Variants in BCL10 observed in about 807,000 individuals in gnomAD.
BCL10 encodes B-cell lymphoma/leukemia 10.
Under a neutral mutation model 19.2 loss-of-function variants are expected in BCL10, and 5 were observed. The ratio of observed to expected loss-of-function variants is 0.26; its 90% CI spans 0.14 to 0.55. BCL10 has a LOEUF of 0.55. Among genes scored for constraint, BCL10 ranks in the 20% least tolerant of loss-of-function variants. BCL10 has a pLI of 0.94. For synonymous variants in BCL10, 110 were observed against 98.8 expected (o/e 1.11, Z -0.67); for missense variants, 201 against 271.9 (o/e 0.74, Z 1.83).
intron 1 of BCL10, among the ~76,000 whole-genome samples, chr1:85,273,168 C>T (rs754391918): frequency 1.3e-5 from 2 of 152,182 alleles, no homozygotes; most frequent in Non-Finnish European, 2.9e-5. Flanking sequence ...TTTCTATACA[C>T]CAGGACTCCA....
Position 85,276,512 on chromosome 1 carries a change from G to A in BCL10, c.-160C>T, listed in dbSNP as rs1660538635. On this transcript the variant is annotated 5_prime_UTR_variant, in exon 1 of 3. Coordinates refer to ENST00000648566, the MANE Select transcript of BCL10 (RefSeq NM_003921.5). ...GCCCCTTCGGGAACAGAGGGACTCGGGGGTCAAACCGTAGCGCTTCCGGCC... is the reference window on the plus strand; with the variant it reads ...GCCCCTTCGGGAACAGAGGGACTCGAGGGTCAAACCGTAGCGCTTCCGGCC... 1.3e-6 allele frequency: 1 copy of A among 751,766 alleles called. No individual in the cohort carries two copies. Among genetic ancestry groups the A allele is most frequent in the South Asian group, 1.7e-5 (1 of 57,858 alleles). 46.6% of individuals were successfully genotyped at this position (751,766 alleles called of 1,614,324 possible). A position where few individuals can be genotyped will look rare whatever the true frequency, so the allele number is the denominator to read the frequency against.
At chr1:85,275,927 G>A (rs1043872041) in intron 1 of BCL10, among the ~76,000 whole-genome samples, 2 of 152,222 alleles carry the variant, frequency 1.3e-5, no homozygotes, top group Admixed American at 6.5e-5. Context: ...TAGGCTGAGT[G>A]AGCAGCCTAG....
intron 1 of BCL10, among the ~76,000 whole-genome samples, chr1:85,273,127 T>C (rs1660411662): frequency 6.6e-6 from 1 of 152,204 alleles, no homozygotes; most frequent in African/African-American, 2.4e-5. Context: ...CCGTCCTCTG[T>C]CCTTGTAGCA....
At chr1:85,273,812 C>A (rs1318684358) in intron 1 of BCL10, among the ~76,000 whole-genome samples, 1 of 152,188 alleles carries the variant, frequency 6.6e-6, no homozygotes, top group Non-Finnish European at 1.5e-5. Flanking sequence ...TATTCTTGTT[C>A]TCCTCAGTCC....
chr1:85,267,680 T>G lies in BCL10; in HGVS notation c.649A>C (p.Asn217His). ...AAGGGAAGAAACATCTCACTAGAGT[T>G]TGCACAAGTTCCTTCTTCTTCTAAC... ...LQLEEEGTCA[N>H]SSEMFLPLRS... is the part of the protein sequence containing the mutation. The change falls in exon 3 of 3, where the codon AAC becomes CAC. Residue 217 changes from asparagine to histidine, a missense_variant. Physicochemically the swap from Asn to His is moderately conservative, Grantham distance 68. Transcript: ENST00000648566. The G allele has an allele frequency of 6.2e-7, 1 of 1,614,022 alleles. No homozygotes were observed. Among genetic ancestry groups the G allele is most frequent in the Non-Finnish European group, 8.5e-7 (1 of 1,179,988 alleles).
At chr1:85,276,256 G>GGCCCCC in intron 1 of BCL10, 40 bp downstream of exon 1, 1 of 1,603,264 alleles carries the variant, frequency 6.2e-7, no homozygotes, top group Non-Finnish European at 8.5e-7. Flanking sequence ...CTGGGCTGCA[G>GGCCCCC]CCCGCCCCCG....
intron 1 of BCL10, among the ~76,000 whole-genome samples, chr1:85,275,572 C>G (rs557509597): frequency 6.6e-6 from 1 of 152,094 alleles, no homozygotes; most frequent in Non-Finnish European, 1.5e-5. Flanking sequence ...TTTAGTGATA[C>G]TCATATAGGT....
chr1:85,266,001 T>A lies in BCL10; in HGVS notation c.*1626A>T, dbSNP rs754120384. On this transcript the variant is annotated 3_prime_UTR_variant, in exon 3 of 3. Coordinates refer to ENST00000648566, the MANE Select transcript of BCL10 (RefSeq NM_003921.5). ...TTCTTTCTAACACCACTATTTTTGC[T>A]ATGCATTGGAGGTGAAACATTTCTC... Among the ~76,000 whole-genome samples the A allele has an allele frequency of 6.6e-6, 1 of 152,208 alleles. No homozygotes were observed. The highest frequency in any genetic ancestry group is 1.5e-5 in the Non-Finnish European group (1 of 68,030).
At chr1:85,269,705 C>G (rs1335585093) in intron 2 of BCL10, among the ~76,000 whole-genome samples, 1 of 152,162 alleles carries the variant, frequency 6.6e-6, no homozygotes, top group African/African-American at 2.4e-5. Flanking sequence ...TTTATGTGCT[C>G]TGGAGAGAGA....
intron 2 of BCL10, among the ~76,000 whole-genome samples, chr1:85,270,168 GAT>G (rs1233935670): frequency 6.6e-6 from 1 of 152,220 alleles, no homozygotes; most frequent in Non-Finnish European, 1.5e-5. Flanking sequence ...GATATTGAGA[GAT>G]ATTCCACTTT....
intron 1 of BCL10, among the ~76,000 whole-genome samples, chr1:85,274,358 C>G (rs2100752277): frequency 6.6e-6 from 1 of 152,256 alleles, no homozygotes; most frequent in Non-Finnish European, 1.5e-5. Flanking sequence ...CAATCCCCCT[C>G]AAGAAATTGA....
Position 85,266,253 on chromosome 1 carries a change from T to C in BCL10, c.*1374A>G. ...AACTCCAAAATAGCACTCACTACTT[T>C]AAAAAAATTTTATTGTTGATAGCAA... On this transcript the variant is annotated 3_prime_UTR_variant, in exon 3 of 3. Coordinates refer to ENST00000648566, the MANE Select transcript of BCL10 (RefSeq NM_003921.5). 1 of 186,220 alleles carries C rather than the reference T, an allele frequency of 5.4e-6. No individual in the cohort carries two copies. The highest frequency in any genetic ancestry group is 2.0e-3 in the Middle Eastern group (1 of 510). 11.5% of individuals were successfully genotyped at this position (186,220 alleles called of 1,614,324 possible).
At position 85,266,961 on chromosome 1, in the gene BCL10, T is replaced by C. The variant is rs1458440771; in HGVS notation, c.*666A>G. 5.4e-6 allele frequency: 1 copy of C among 185,366 alleles called. No homozygotes were observed. Among genetic ancestry groups the C allele is most frequent in the East Asian group, 8.6e-5 (1 of 11,642 alleles). The allele number at this position is 185,366 out of a possible 1,614,324, so 11.5% of individuals were successfully genotyped here. ...TAACTGAGGTTTAGGCCAAGATATT[T>C]TTCTTTAGGAATGAAAATGATTAAG... On this transcript the variant is annotated 3_prime_UTR_variant, in exon 3 of 3. Coordinates refer to ENST00000648566, the MANE Select transcript of BCL10 (RefSeq NM_003921.5).
At chr1:85,268,248 TACATATAA>T (rs1332354368) in intron 2 of BCL10, among the ~76,000 whole-genome samples, 1 of 152,210 alleles carries the variant, frequency 6.6e-6, no homozygotes, top group Non-Finnish European at 1.5e-5. Flanking sequence ...AGGTACAGCG[TACATATAA>T]ACTTAACCAC....
rs1660200027 is a variant in BCL10 at position 85,266,615 on chromosome 1, T to C, written c.*1012A>G. Reference sequence around the variant, plus strand: ...GGCTAGGTGAGGTGGCTCGTGTCTGTAATCCCAGCACTTTGGGAGGCCACG... The same window carrying C: ...GGCTAGGTGAGGTGGCTCGTGTCTGCAATCCCAGCACTTTGGGAGGCCACG... On this transcript the variant is annotated 3_prime_UTR_variant, in exon 3 of 3. Coordinates refer to ENST00000648566, the MANE Select transcript of BCL10 (RefSeq NM_003921.5). The C allele has an allele frequency of 1.1e-5, 2 of 179,532 alleles. No individual in the cohort carries two copies. The highest frequency in any genetic ancestry group is 4.7e-5 in the African/African-American group (2 of 42,344). The allele number at this position is 179,532 out of a possible 1,614,324, so 11.1% of individuals were successfully genotyped here. A position where few individuals can be genotyped will look rare whatever the true frequency, so the allele number is the denominator to read the frequency against.
In BCL10 at chr1:85,276,440, A is replaced by C; in HGVS notation, c.-88T>G. 1 of 1,466,382 alleles carries C rather than the reference A, an allele frequency of 6.8e-7. No individual in the cohort carries two copies. The highest frequency in any genetic ancestry group is 9.5e-7 in the Non-Finnish European group (1 of 1,050,828). 90.8% of individuals were successfully genotyped at this position (1,466,382 alleles called of 1,614,324 possible). On this transcript the variant is annotated 5_prime_UTR_variant, in exon 1 of 3. Coordinates refer to ENST00000648566, the MANE Select transcript of BCL10 (RefSeq NM_003921.5). ...GGCTGGGGGCTTCGGCCTCCGGGTA[A>C]TGGGGAAGAAGGAGAGGAGGCGGAG...
At chr1:85,270,362 TC>T (rs1015774608) in intron 2 of BCL10, among the ~76,000 whole-genome samples, 30 of 152,358 alleles carry the variant, frequency 2.0e-4, no homozygotes, top group African/African-American at 7.2e-4. Flanking sequence ...AGCCTCAATG[TC>T]CCAGGCTTAA....
rs71585147 is a variant in BCL10, at chr1:85,276,472, G to A, written c.-120C>T. On this transcript the variant is annotated 5_prime_UTR_variant, in exon 1 of 3. Transcript: ENST00000648566. ...AGAAGGAGAGGAGGCGGAGCGGGTC[G>A]GGAGAAAGACGGCCGCCCCTTCGGG... The A allele has an allele frequency of 0.043, 50,781 of 1,188,508 alleles. 1,334 individuals carry two copies. The highest frequency in any genetic ancestry group is 0.05 in the Non-Finnish European group (40,846 of 820,866). 73.6% of individuals were successfully genotyped at this position (1,188,508 alleles called of 1,614,324 possible).
At chr1:85,268,851 G>A (rs1377960047) in intron 2 of BCL10, among the ~76,000 whole-genome samples, 1 of 151,822 alleles carries the variant, frequency 6.6e-6, no homozygotes, top group African/African-American at 2.4e-5. Flanking sequence ...TTGTGGGAAA[G>A]TGAGAACTAC....
Sources: allele counts gnomAD v4.1 joint callset (sites outside exome capture counted in the v4.1 genomes callset), GRCh38; gene constraint gnomAD v4.1.1; transcripts MANE v1.5; gene names NCBI Gene and HGNC (gene_info 2026-07-23, HGNC 2026-07-21).